The following CCDC181 variants were observed in gnomAD, a reference collection of about 807,000 sequenced individuals.
The protein encoded by CCDC181 is coiled-coil domain-containing protein 181.
CCDC181 carries 35 observed loss-of-function variants against 58.7 expected under a neutral mutation model. That is an observed-to-expected ratio of 0.60 (90% CI 0.46 to 0.79). The LOEUF is 0.79. Ranked by LOEUF, CCDC181 falls within the 30% of genes least tolerant of loss-of-function variation. The pLI is 0.00. For synonymous variants in CCDC181, 183 were observed against 197.5 expected (o/e 0.93, Z 0.62); for missense variants, 517 against 583.9 (o/e 0.89, Z 1.18).
At chr1:169,440,342 C>T (rs553382921) in intron 2 of CCDC181, among the ~76,000 whole-genome samples, 2 of 152,306 alleles carry the variant, frequency 1.3e-5, no homozygotes, top group African/African-American at 4.8e-5. Context: ...TTTGTAACTG[C>T]CCAGTAGGTT....
At chr1:169,413,262 G>A (rs939696943) in intron 4 of CCDC181, among the ~76,000 whole-genome samples, 2 of 152,222 alleles carry the variant, frequency 1.3e-5, no homozygotes, top group African/African-American at 4.8e-5. Flanking sequence ...ATAGACATAT[G>A]AAAGAAAGGT....
Position 169,395,021 on chromosome 1 carries a change from C to T in CCDC181, c.*26G>A. ...ATATCCAAAATTTTGATAGCAGCTGCCCACTGAAATATTTAATAGAAACTT... is the reference window on the plus strand; with the variant it reads ...ATATCCAAAATTTTGATAGCAGCTGTCCACTGAAATATTTAATAGAAACTT... On this transcript the variant is annotated 3_prime_UTR_variant, in exon 6 of 6. Coordinates refer to ENST00000367806, the MANE Select transcript of CCDC181 (RefSeq NM_001300969.2). The T allele has an allele frequency of 6.4e-7, 1 of 1,555,636 alleles. No individual in the cohort carries two copies. Among genetic ancestry groups the T allele is most frequent in the South Asian group, 1.2e-5 (1 of 82,630 alleles).
At position 169,458,192 on chromosome 1, in the gene CCDC181, TTG is replaced by T. The variant is rs745308151; in HGVS notation, c.-24+1603_-24+1604del. On this transcript the variant is annotated intron_variant, in intron 2 of 6. Transcript: ENST00000545005. ...TAATTTTTGTTTTTTTTTTTTTGTT[TTG>T]TTTTTTTTGCCATTTAAAAGTATGG... is the stretch of plus-strand genomic sequence containing the variant. Among the ~76,000 whole-genome samples, 600 of 148,468 alleles carry T rather than the reference TTG, an allele frequency of 4.0e-3. 9 individuals carry two copies. The highest frequency in any genetic ancestry group is 6.9e-3 in the African/African-American group (280 of 40,444).
At chr1:169,401,543 T>C (rs568646237) in intron 4 of CCDC181, among the ~76,000 whole-genome samples, 1 of 152,344 alleles carries the variant, frequency 6.6e-6, no homozygotes, top group East Asian at 1.9e-4. Context: ...AACCAGGGTC[T>C]GGAGTGGACC....
In CCDC181 at chr1:169,421,709, G is replaced by A; in HGVS notation, c.722C>T (p.Pro241Leu). 1 of 1,613,908 alleles carries A rather than the reference G, an allele frequency of 6.2e-7. No homozygotes were observed. Among genetic ancestry groups the A allele is most frequent in the Non-Finnish European group, 8.5e-7 (1 of 1,179,964 alleles). Residue 241 changes from proline (P) to leucine (L), a missense_variant, in exon 3 of 6, where the codon CCC (proline) becomes CTC (leucine). Physicochemically the swap from Pro to Leu is moderately conservative, Grantham distance 98 (BLOSUM62 -3). Coordinates refer to ENST00000367806, the MANE Select transcript of CCDC181 (RefSeq NM_001300969.2). ...TTCTGTACTATTTGCATTATTAATGGGAGGCAAAAACCCCTGACTGGCAAT... is the reference window on the plus strand; with the variant it reads ...TTCTGTACTATTTGCATTATTAATGAGAGGCAAAAACCCCTGACTGGCAAT... Reference protein sequence around the residue: ...QDIASQGFLPPINNANSTEND... With the variant: ...QDIASQGFLPLINNANSTEND...
intron 1 of CCDC181, among the ~76,000 whole-genome samples, chr1:169,425,228 T>C (rs942725444): frequency 1.1e-4 from 17 of 152,110 alleles, no homozygotes; most frequent in African/African-American, 4.1e-4. Context: ...TAATTTTTGG[T>C]ACACTTTAGG....
rs72040890 is a variant in CCDC181 at position 169,440,931 on chromosome 1, T to TAAAAAAAAAAAAAAAAAAAAAAAAAA, written c.-23-15982_-23-15981insTTTTTTTTTTTTTTTTTTTTTTTTTT. ...GCCCAGGCAACAGAGCAAGACTGTCTAAAAAAAAAAAAAAGGCAAGATGAG... is the reference window on the plus strand; with the variant it reads ...GCCCAGGCAACAGAGCAAGACTGTCTAAAAAAAAAAAAAAAAAAAAAAAAAAAAAAAAAAAAAAAAGGCAAGATGAG... On this transcript the variant is annotated intron_variant, in intron 2 of 6. Coordinates refer to the CCDC181 transcript ENST00000545005. Among the ~76,000 whole-genome samples, 41 of 76,832 alleles carry TAAAAAAAAAAAAAAAAAAAAAAAAAA rather than the reference T, an allele frequency of 5.3e-4. 5 individuals carry two copies. Among genetic ancestry groups the TAAAAAAAAAAAAAAAAAAAAAAAAAA allele is most frequent in the African/African-American group, 1.5e-3 (28 of 18,836 alleles). 50.4% of individuals were successfully genotyped at this position (76,832 alleles called of 152,430 possible). A position where few individuals can be genotyped will look rare whatever the true frequency, so the allele number is the denominator to read the frequency against.
intron 2 of CCDC181, among the ~76,000 whole-genome samples, chr1:169,445,913 C>G (rs956829331): frequency 5.3e-5 from 8 of 152,004 alleles, no homozygotes; most frequent in African/African-American, 7.3e-5. Context: ...TCTTTATTAT[C>G]CTAAAACATT....
At chr1:169,414,215 A>T (rs913060179) in intron 4 of CCDC181, among the ~76,000 whole-genome samples, 1 of 152,178 alleles carries the variant, frequency 6.6e-6, no homozygotes, top group African/African-American at 2.4e-5. Context: ...AACCTCAGCC[A>T]AAACAGACTT....
upstream of CCDC181, among the ~76,000 whole-genome samples, chr1:169,429,404 T>G (rs145945388): frequency 6.6e-6 from 1 of 152,314 alleles, no homozygotes; most frequent in Non-Finnish European, 1.5e-5. Context: ...ATTGTACTAG[T>G]TTACATTCCC....
chr1:169,418,231 A>G (rs572195523), intron 4 of CCDC181, among the ~76,000 whole-genome samples: 1 of 152,358 alleles, frequency 6.6e-6, no homozygotes, highest in East Asian at 1.9e-4. Flanking sequence ...AACTAACGCA[A>G]CATTGGAACC....
chr1:169,440,438 G>C lies in CCDC181; in HGVS notation c.-23-15488C>G, dbSNP rs114834142. Among the ~76,000 whole-genome samples, 982 of 152,354 alleles carry C rather than the reference G, an allele frequency of 6.4e-3. 5 individuals carry two copies. The highest frequency in any genetic ancestry group is 0.023 in the African/African-American group (941 of 41,582). ...AAGAGTAATTCACACAGAGCCGGCT[G>C]TATGGGAGACTGGAGTTTTATTATC... is the stretch of plus-strand genomic sequence containing the variant. On this transcript the variant is annotated intron_variant, in intron 2 of 6. Coordinates refer to the CCDC181 transcript ENST00000545005.
At chr1:169,433,960 T>C (rs1656987312) in intron 2 of CCDC181, among the ~76,000 whole-genome samples, 1 of 152,082 alleles carries the variant, frequency 6.6e-6, no homozygotes, top group Non-Finnish European at 1.5e-5. Context: ...ATACTTTTGC[T>C]CACTAGACAT....
intron 4 of CCDC181, among the ~76,000 whole-genome samples, chr1:169,407,039 G>A (rs1655700335): frequency 7.4e-6 from 1 of 135,828 alleles, no homozygotes. Flanking sequence ...AGAAGGAGAG[G>A]AGAAAAAAGA....
At chr1:169,397,954 T>A (rs940293421) in intron 4 of CCDC181, among the ~76,000 whole-genome samples, 7 of 152,210 alleles carry the variant, frequency 4.6e-5, no homozygotes, top group African/African-American at 1.7e-4. Context: ...AGCTTATATC[T>A]TGCATTTCCC....
chr1:169,454,506 G>A (rs948146525), intron 2 of CCDC181: 3 of 151,992 alleles, frequency 2.0e-5, no homozygotes, highest in Admixed American at 6.6e-5. Context: ...TTACAATGAA[G>A]GGAGGCAATT....
intron 2 of CCDC181, among the ~76,000 whole-genome samples, chr1:169,437,927 T>C (rs999220041): frequency 1.3e-5 from 2 of 152,196 alleles, no homozygotes; most frequent in African/African-American, 2.4e-5. Context: ...ATTCCTGTCC[T>C]CTGGAGACCA....
intron 2 of CCDC181, among the ~76,000 whole-genome samples, chr1:169,436,615 A>T (rs1657061696): frequency 6.6e-6 from 1 of 152,238 alleles, no homozygotes; most frequent in African/African-American, 2.4e-5. Context: ...TTCTAACGGC[A>T]AGCAGAGACA....
At chr1:169,435,108 G>GT (rs1234050285) in intron 2 of CCDC181, among the ~76,000 whole-genome samples, 1 of 151,924 alleles carries the variant, frequency 6.6e-6, no homozygotes, top group Non-Finnish European at 1.5e-5. Flanking sequence ...TATGATAGGT[G>GT]TTTTTTTACC....
Sources: gnomAD v4.1 joint callset for allele counts (sites outside exome capture counted in the v4.1 genomes callset) on GRCh38, gnomAD v4.1.1 for gene constraint, MANE v1.5 for transcripts, NCBI Gene and HGNC (gene_info 2026-07-23, HGNC 2026-07-21) for gene names.